The following ATOH8 variants were observed in gnomAD, a reference collection of about 807,000 sequenced individuals.
ATOH8 encodes the protein atonal bHLH transcription factor 8.
A neutral mutation model predicts 21.2 loss-of-function variants in ATOH8; 9 were observed. The observed-to-expected ratio is 0.42, with a 90% confidence interval of 0.26 to 0.74. ATOH8 has a LOEUF of 0.74. Among genes scored for constraint, ATOH8 ranks in the 30% least tolerant of loss-of-function variants. The pLI is 0.24. For synonymous variants in ATOH8, 253 were observed against 224.0 expected, an observed-to-expected ratio of 1.13 and a Z score of -1.16; for missense variants, 524 against 470.9, an observed-to-expected ratio of 1.11 and a Z score of -1.04.
At chr2:85,778,311 TG>T (rs550770596) in intron 2 of ATOH8, among the ~76,000 whole-genome samples, 54 of 151,994 alleles carry the variant, frequency 3.6e-4, no homozygotes, top group African/African-American at 1.3e-3. Flanking sequence ...CGTGTGTGTG[TG>T]TGTGCGCGCG....
rs952821772 is a variant in ATOH8, at chr2:85,790,055, T to C, written c.*3165T>C. Among the ~76,000 whole-genome samples, 1 of 152,230 alleles carries C rather than the reference T, an allele frequency of 6.6e-6. No homozygotes were observed. Among genetic ancestry groups the C allele is most frequent in the Non-Finnish European group, 1.5e-5 (1 of 68,048 alleles). On this transcript the variant is annotated 3_prime_UTR_variant, in exon 3 of 3. Coordinates refer to ENST00000306279, the MANE Select transcript of ATOH8 (RefSeq NM_032827.7). ...CCAACGGCAGTCTTCTAAACACTTTTATGCAAGCAGCCATTCAAGGAGACC... is the reference window on the plus strand; with the variant it reads ...CCAACGGCAGTCTTCTAAACACTTTCATGCAAGCAGCCATTCAAGGAGACC...
At chr2:85,756,877 G>A (rs1295598521) in intron 1 of ATOH8, among the ~76,000 whole-genome samples, 7 of 152,156 alleles carry the variant, frequency 4.6e-5, no homozygotes, top group Admixed American at 3.9e-4. Context: ...TCAAGGCAGG[G>A]TGCACACTTG....
chr2:85,782,209 T>A (rs1424464689), intron 2 of ATOH8, among the ~76,000 whole-genome samples: 2 of 152,236 alleles, frequency 1.3e-5, no homozygotes. Context: ...AAGTCAGGAT[T>A]TCAACCCCAT....
intron 2 of ATOH8, chr2:85,775,317 A>G: frequency 1.0e-6 from 1 of 983,706 alleles, no homozygotes; most frequent in African/African-American, 1.7e-5. Flanking sequence ...CTAGGGCTGA[A>G]TGTCCCTATG....
At chr2:85,754,984 A>G (rs572528543) in intron 1 of ATOH8, 27 bp downstream of exon 1, 1 of 1,564,576 alleles carries the variant, frequency 6.4e-7, no homozygotes, top group East Asian at 2.3e-5. Context: ...GCACGCCCTC[A>G]CTGCGCCGGG....
At chr2:85,757,623 C>A (rs1386146648) in intron 1 of ATOH8, among the ~76,000 whole-genome samples, 2 of 152,112 alleles carry the variant, frequency 1.3e-5, no homozygotes, top group South Asian at 4.1e-4. Context: ...GTTGTTCCTC[C>A]CCTGCATGCC....
rs1206751621 is a variant in ATOH8 at position 85,788,825 on chromosome 2, A to G, written c.*1935A>G. ...AGGCTGGCCCTTTACCAAGGACCAC[A>G]GTGTCCATGCTGTCTTGGATCCCTA... On this transcript the variant is annotated 3_prime_UTR_variant, in exon 3 of 3. Transcript: ENST00000306279. 2.0e-5 allele frequency among the ~76,000 whole-genome samples: 3 copies of G among 152,160 alleles called. No homozygotes were observed. Among genetic ancestry groups the G allele is most frequent in the Non-Finnish European group, 4.4e-5 (3 of 68,006 alleles).
chr2:85,772,479 G>C (rs1374396097), intron 2 of ATOH8: 1 of 330,292 alleles, frequency 3.0e-6, no homozygotes, highest in Non-Finnish European at 5.9e-6. Flanking sequence ...CTGGCGCCAC[G>C]GAGGGCAGAG....
chr2:85,755,077 C>A, intron 1 of ATOH8, 120 bp downstream of exon 1: 1 of 1,335,878 alleles, frequency 7.5e-7, no homozygotes, highest in Non-Finnish European at 9.9e-7. Flanking sequence ...CCCGGTCCGA[C>A]CCTGGTGCCC....
At chr2:85,784,129 ATCCTGAGACCT>A (rs1680566989) in intron 2 of ATOH8, among the ~76,000 whole-genome samples, 1 of 152,108 alleles carries the variant, frequency 6.6e-6, no homozygotes, top group African/African-American at 2.4e-5. Context: ...TTTGCTACCT[ATCCTGAGACCT>A]TCCCCCTGGT....
intron 1 of ATOH8, among the ~76,000 whole-genome samples, chr2:85,756,334 T>G (rs1217644526): frequency 1.3e-5 from 2 of 151,894 alleles, no homozygotes; most frequent in Non-Finnish European, 2.9e-5. Flanking sequence ...TGGGTAGAGG[T>G]GGCGGTGCGT....
In ATOH8 at chr2:85,777,549, A is replaced by G. The variant is rs182223992; in HGVS notation, c.961-9336A>G. Among the ~76,000 whole-genome samples, 5 of 152,314 alleles carry G rather than the reference A, an allele frequency of 3.3e-5. No homozygotes were observed. The East Asian group carries it at 9.6e-4, about 29-fold the overall frequency. ...ATTGTGTGTGCACTGATGTTCGTGG[A>G]CTTGACCTTGAGTTGTCAAGAGGAA... On this transcript the variant is annotated intron_variant, in intron 2 of 2. Coordinates refer to ENST00000306279, the MANE Select transcript of ATOH8 (RefSeq NM_032827.7).
rs565617560 is a variant in ATOH8, at chr2:85,775,350, T to C, written c.960+11168T>C. On this transcript the variant is annotated intron_variant, in intron 2 of 2. Coordinates refer to ENST00000306279, the MANE Select transcript of ATOH8 (RefSeq NM_032827.7). Reference sequence around the variant, plus strand: ...ATGCTGATGGCAAGGGACATTCCCTTCTAGGGAAGGATTAACTAGGGGCTT... The same window carrying C: ...ATGCTGATGGCAAGGGACATTCCCTCCTAGGGAAGGATTAACTAGGGGCTT... The C allele has an allele frequency of 2.9e-4, 274 of 957,498 alleles. 3 individuals are homozygous for C. The South Asian group carries it at 0.012, about 42-fold the overall frequency. The allele number at this position is 957,498 out of a possible 1,614,324, so 59.3% of individuals were successfully genotyped here.
At chr2:85,760,306 G>A (rs767836315) in intron 1 of ATOH8, among the ~76,000 whole-genome samples, 4 of 151,882 alleles carry the variant, frequency 2.6e-5, no homozygotes, top group Middle Eastern at 3.4e-3. Context: ...CCTTTGGCCC[G>A]TGTCCTCTGA....
chr2:85,775,019 T>C (rs1469644402), intron 2 of ATOH8: 25 of 985,296 alleles, frequency 2.5e-5, no homozygotes, highest in Admixed American at 6.1e-5. Flanking sequence ...TCATGTGATA[T>C]GCTTTTAAAG....
chr2:85,773,960 C>A, intron 2 of ATOH8: 1 of 427,674 alleles, frequency 2.3e-6, no homozygotes, highest in Non-Finnish European at 3.1e-6. Flanking sequence ...GGTTTGGATG[C>A]TGGAGCTGGT....
At chr2:85,786,470 G>C (rs1680622962) in intron 2 of ATOH8, among the ~76,000 whole-genome samples, 2 of 152,106 alleles carry the variant, frequency 1.3e-5, no homozygotes. Context: ...GCAGCGCAAG[G>C]AAGCTGCAGA....
rs1295837396 is a variant in ATOH8, at chr2:85,788,746, C to CCTGGG, written c.*1867_*1871dup. ...CTTTCTCGTCTCTGCTGCTCAGACT[C>CCTGGG]CTGGGCTGGGCTGGGGCTGGCTGCA... On this transcript the variant is annotated 3_prime_UTR_variant, in exon 3 of 3. Transcript: ENST00000306279. Among the ~76,000 whole-genome samples, 1 of 152,204 alleles carries CCTGGG rather than the reference C, an allele frequency of 6.6e-6. No individual in the cohort carries two copies. Among genetic ancestry groups the CCTGGG allele is most frequent in the Non-Finnish European group, 1.5e-5 (1 of 68,036 alleles).
intron 2 of ATOH8, among the ~76,000 whole-genome samples, chr2:85,776,211 C>T (rs990048634): frequency 6.6e-6 from 1 of 152,192 alleles, no homozygotes; most frequent in African/African-American, 2.4e-5. Flanking sequence ...ATCCAGGCCA[C>T]CGCTGTCCTC....
Sources: gnomAD v4.1 joint callset for allele counts (sites outside exome capture counted in the v4.1 genomes callset) on GRCh38, gnomAD v4.1.1 for gene constraint, MANE v1.5 for transcripts, NCBI Gene and HGNC (gene_info 2026-07-23, HGNC 2026-07-21) for gene names.